Variants in ZNF608 observed in about 807,000 individuals in gnomAD.
ZNF608 encodes the protein zinc finger protein 608.
Under a neutral mutation model 109.0 loss-of-function variants are expected in ZNF608, and 12 were observed. The observed-to-expected ratio is 0.11, with a 90% CI of 0.07 to 0.18. The LOEUF (loss-of-function observed/expected upper bound fraction) is 0.18. ZNF608 is among the 10% of genes least tolerant of loss of function. The pLI is 1.00. For synonymous variants in ZNF608, 732 were observed against 717.4 expected (o/e 1.02, Z -0.33); for missense variants, 1,707 against 1,879.3 (o/e 0.91, Z 1.70).
chr5:124,650,510 T>TCCAACTGCTTTTC (rs1750729590), intron 3 of ZNF608, among the ~76,000 whole-genome samples: 1 of 152,258 alleles, frequency 6.6e-6, no homozygotes, highest in Admixed American at 6.5e-5. Context: ...TTCTGCTTTT[T>TCCAACTGCTTTTC]CCAACTGCTT....
intron 3 of ZNF608, among the ~76,000 whole-genome samples, chr5:124,679,970 G>T (rs1212853329): frequency 6.6e-6 from 1 of 152,162 alleles, no homozygotes; most frequent in Non-Finnish European, 1.5e-5. Context: ...AACAGCTCAT[G>T]TTGATAAGTA....
Position 124,745,032 on chromosome 5 carries a change from C to A in ZNF608, c.-43G>T, listed in dbSNP as rs1580731983. The A allele has an allele frequency of 6.5e-7, 1 of 1,547,762 alleles. No homozygotes were observed. The highest frequency in any genetic ancestry group is 1.4e-5 in the African/African-American group (1 of 72,834). On this transcript the variant is annotated 5_prime_UTR_variant, in exon 2 of 10. Coordinates refer to ENST00000513986, the MANE Select transcript of ZNF608 (RefSeq NM_020747.3). The stretch of plus-strand genomic sequence containing the variant: ...TAGAATAAAAATCCGATGAACTTTT[C>A]TTTGGAGATGAGGGGACATTCGTTT...
intron 2 of ZNF608, among the ~76,000 whole-genome samples, chr5:124,703,479 T>C (rs55692335): frequency 0.12 from 17,876 of 152,036 alleles, 2,109 homozygotes; most frequent in African/African-American, 0.3. Context: ...AGAAAACACA[T>C]TCCTGGCCAG....
chr5:124,652,783 C>T (rs1432386748), intron 3 of ZNF608, among the ~76,000 whole-genome samples: 2 of 152,180 alleles, frequency 1.3e-5, no homozygotes. Context: ...TCACATAAAG[C>T]AGACTACACT....
chr5:124,745,818 A>T (rs1398109701), intron 1 of ZNF608, among the ~76,000 whole-genome samples: 1 of 152,170 alleles, frequency 6.6e-6, no homozygotes, highest in African/African-American at 2.4e-5. Flanking sequence ...TTTCCCAAAC[A>T]GCTTCTACAA....
At chr5:124,704,789 T>A (rs374383234) in intron 2 of ZNF608, among the ~76,000 whole-genome samples, 1 of 152,008 alleles carries the variant, frequency 6.6e-6, no homozygotes, top group African/African-American at 2.4e-5. Flanking sequence ...CCTGAAACAA[T>A]CACAGAATGT....
rs564191463 is a variant in ZNF608 at position 124,657,493 on chromosome 5, C to G, written c.1163-7796G>C. ...TGCCCAACACAGTGAAACCCAGTCT[C>G]TACTAAAAAATAAAAAAATAAAAAA... On this transcript the variant is annotated intron_variant, in intron 3 of 9. Transcript: ENST00000513986. Among the ~76,000 whole-genome samples, 13 of 151,842 alleles carry G rather than the reference C, an allele frequency of 8.6e-5. 1 individual carries two copies. Among genetic ancestry groups the G allele is most frequent in the Non-Finnish European group, 1.5e-4 (10 of 67,968 alleles).
chr5:124,659,617 C>T (rs757079146), intron 3 of ZNF608, among the ~76,000 whole-genome samples: 2 of 152,162 alleles, frequency 1.3e-5, no homozygotes, highest in Non-Finnish European at 2.9e-5. Flanking sequence ...CCTCTCATCA[C>T]CTAGTTTTCC....
chr5:124,679,595 T>C (rs1752107603), intron 3 of ZNF608, among the ~76,000 whole-genome samples: 1 of 152,168 alleles, frequency 6.6e-6, no homozygotes, highest in South Asian at 2.1e-4. Context: ...TAAAATCACC[T>C]TTTACAGTCT....
intron 3 of ZNF608, among the ~76,000 whole-genome samples, chr5:124,670,212 A>C (rs1206629666): frequency 6.6e-6 from 1 of 152,178 alleles, no homozygotes; most frequent in Non-Finnish European, 1.5e-5. Flanking sequence ...TCCTTTCTTC[A>C]CAGAGATAGA....
At chr5:124,709,304 G>C (rs1395058127) in intron 2 of ZNF608, among the ~76,000 whole-genome samples, 1 of 151,424 alleles carries the variant, frequency 6.6e-6, no homozygotes, top group Admixed American at 6.6e-5. Flanking sequence ...CAAAGCAAGA[G>C]AATGTACACA....
intron 4 of ZNF608, 102 bp downstream of exon 4, chr5:124,649,508 G>A: frequency 1.1e-6 from 1 of 930,860 alleles, no homozygotes; most frequent in Non-Finnish European, 1.6e-6. Flanking sequence ...CCTTTGCCTG[G>A]TTTCAATTAC....
chr5:124,724,777 T>C (rs1350540876), intron 2 of ZNF608, among the ~76,000 whole-genome samples: 1 of 152,192 alleles, frequency 6.6e-6, no homozygotes, highest in Admixed American at 6.5e-5. Context: ...TCAGTTAATA[T>C]AATTCACACG....
intron 3 of ZNF608, among the ~76,000 whole-genome samples, chr5:124,695,113 A>C (rs1194116930): frequency 1.3e-5 from 2 of 152,202 alleles, no homozygotes; most frequent in Admixed American, 1.3e-4. Flanking sequence ...AGTCATAAGA[A>C]GCATGCCCAC....
At chr5:124,739,055 G>A (rs1257905899) in intron 2 of ZNF608, among the ~76,000 whole-genome samples, 1 of 152,200 alleles carries the variant, frequency 6.6e-6, no homozygotes, top group East Asian at 1.9e-4. Context: ...TGCATTATGT[G>A]TTAATGACCA....
chr5:124,695,963 C>A lies in ZNF608; in HGVS notation c.1162+5051G>T, dbSNP rs532647112. On this transcript the variant is annotated intron_variant, in intron 3 of 9. Transcript: ENST00000513986. ...CTTTGGGAGGCCAAGGCGGGTGGATCACCTGAGGTCAGGAGTTCGAGACCA... is the reference window on the plus strand; with the variant it reads ...CTTTGGGAGGCCAAGGCGGGTGGATAACCTGAGGTCAGGAGTTCGAGACCA... Among the ~76,000 whole-genome samples the A allele has an allele frequency of 6.6e-5, 10 of 152,182 alleles. 1 individual carries two copies. In the East Asian group the frequency reaches 1.9e-3, roughly 30 times the overall value.
At chr5:124,693,703 G>A (rs898900229) in intron 3 of ZNF608, among the ~76,000 whole-genome samples, 1 of 152,126 alleles carries the variant, frequency 6.6e-6, no homozygotes, top group African/African-American at 2.4e-5. Context: ...AAGAGTTAAA[G>A]TGACGGTCTA....
At chr5:124,716,874 G>A (rs1438033377) in intron 2 of ZNF608, among the ~76,000 whole-genome samples, 1 of 152,006 alleles carries the variant, frequency 6.6e-6, no homozygotes, top group Admixed American at 6.5e-5. Flanking sequence ...CCTGAGGTCG[G>A]GAGTTGGAGA....
At chr5:124,688,789 G>A (rs1400887997) in intron 3 of ZNF608, among the ~76,000 whole-genome samples, 1 of 152,130 alleles carries the variant, frequency 6.6e-6, no homozygotes, top group Non-Finnish European at 1.5e-5. Context: ...AATCTTTGGT[G>A]TGTCCATTCC....
Sources: allele counts gnomAD v4.1 joint callset (sites outside exome capture counted in the v4.1 genomes callset), GRCh38; gene constraint gnomAD v4.1.1; transcripts MANE v1.5; gene names NCBI Gene and HGNC (gene_info 2026-07-23, HGNC 2026-07-21).